The following SEC23IP variants were observed in gnomAD, a reference collection of about 807,000 sequenced individuals.
SEC23IP encodes SEC23-interacting protein.
SEC23IP carries 70 observed loss-of-function variants against 113.4 expected under a neutral mutation model. The ratio of observed to expected loss-of-function variants is 0.62; its 90% CI spans 0.51 to 0.75. The LOEUF (loss-of-function observed/expected upper bound fraction) is 0.75. Ranked by LOEUF, SEC23IP falls within the 30% of genes least tolerant of loss-of-function variation. The probability of loss-of-function intolerance (pLI) is 0.00; values close to 1 mark genes in which losing one functional copy is unlikely to be tolerated. For synonymous variants in SEC23IP, 398 were observed against 421.0 expected, an observed-to-expected ratio of 0.95 and a Z score of 0.67; for missense variants, 1,160 against 1,204.9, an observed-to-expected ratio of 0.96 and a Z score of 0.55.
At chr10:119,899,513 CAG>C (rs1854407309) in intron 2 of SEC23IP, among the ~76,000 whole-genome samples, 1 of 152,036 alleles carries the variant, frequency 6.6e-6, no homozygotes, top group Admixed American at 6.6e-5. Flanking sequence ...GAAAAATCAA[CAG>C]AATTAAACAA....
chr10:119,938,915 A>C (rs755056231), intron 18 of SEC23IP, among the ~76,000 whole-genome samples: 5 of 152,210 alleles, frequency 3.3e-5, no homozygotes, highest in Admixed American at 6.5e-5. Context: ...TAAAATGTTA[A>C]CAATTATTCT....
rs768426374 is a variant in SEC23IP, at chr10:119,892,860, C to T, written c.78C>T (p.Ser26=). 1 of 1,614,142 alleles carries T rather than the reference C, an allele frequency of 6.2e-7. No homozygotes were observed. Among genetic ancestry groups the T allele is most frequent in the Non-Finnish European group, 8.5e-7 (1 of 1,179,984 alleles). Residue 26 remains serine, a synonymous_variant, in exon 1 of 19, where the codon TCC becomes TCT. Coordinates refer to ENST00000369075, the MANE Select transcript of SEC23IP (RefSeq NM_007190.4). ...SSSGTNLLFS[S]SATEFSFNVP... ...CGGGCACTAACTTACTTTTCTCCTC[C>T]TCGGCCACGGAGTTCAGCTTCAATG...
intron 4 of SEC23IP, 97 bp downstream of exon 4, chr10:119,904,374 A>G (rs1203364429): frequency 9.7e-7 from 1 of 1,033,204 alleles, no homozygotes; most frequent in Non-Finnish European, 1.5e-6. Flanking sequence ...GACTTTACTT[A>G]CAAGACAGCT....
intron 2 of SEC23IP, among the ~76,000 whole-genome samples, chr10:119,901,384 A>G (rs17692764): frequency 0.11 from 16,422 of 151,886 alleles, 943 homozygotes; most frequent in South Asian, 0.17. Flanking sequence ...AGACATTTTT[A>G]ATGGCGCTGG....
intron 1 of SEC23IP, among the ~76,000 whole-genome samples, chr10:119,896,902 C>T (rs1195195696): frequency 6.6e-6 from 1 of 151,908 alleles, no homozygotes; most frequent in African/African-American, 2.4e-5. Context: ...TGGAATGATT[C>T]AAGTAGACAC....
chr10:119,895,893 A>G (rs547054637), intron 1 of SEC23IP, among the ~76,000 whole-genome samples: 4 of 152,280 alleles, frequency 2.6e-5, no homozygotes, highest in South Asian at 2.1e-4. Context: ...TCAGTGATCT[A>G]TGGGCCACAT....
chr10:119,909,067 T>TA lies in SEC23IP; in HGVS notation c.1130dup (p.Asn377LysfsTer34). The TA allele has an allele frequency of 1.2e-6, 2 of 1,612,878 alleles. No homozygotes were observed. ...CTGAATATAAAAAAGCTGTAACCAC[T>TA]AATCAGTGGCACCGAAGATTAGAGT... is the stretch of plus-strand genomic sequence containing the variant. On this transcript the variant is annotated frameshift_variant, in exon 5 of 19. Transcript: ENST00000369075. LOFTEE classifies it high-confidence loss of function.
Position 119,914,726 on chromosome 10 carries a change from A to G in SEC23IP, c.1313-4A>G, listed in dbSNP as rs780622423. ...TATGTAGGTTTAAAAATTTTTTTTG[A>G]TAGGGGAGATGCCTCAAGTTGACCA... On this transcript the variant is annotated splice_region_variant and splice_polypyrimidine_tract_variant and intron_variant, in intron 6 of 18. Coordinates refer to ENST00000369075, the MANE Select transcript of SEC23IP (RefSeq NM_007190.4). The G allele has an allele frequency of 6.2e-7, 1 of 1,610,922 alleles. No individual in the cohort carries two copies. The highest frequency in any genetic ancestry group is 1.7e-5 in the Admixed American group (1 of 59,478).
intron 2 of SEC23IP, among the ~76,000 whole-genome samples, chr10:119,899,261 G>T (rs1383850579): frequency 1.3e-5 from 2 of 152,184 alleles, no homozygotes; most frequent in African/African-American, 4.8e-5. Flanking sequence ...AGACATAGGA[G>T]AATTGAAGCG....
chr10:119,930,998 TTTTG>T (rs1178686708), intron 15 of SEC23IP, among the ~76,000 whole-genome samples: 11 of 152,314 alleles, frequency 7.2e-5, no homozygotes, highest in Middle Eastern at 3.4e-3. Context: ...AAAGTGTGTT[TTTTG>T]TTTGTTTTGC....
chr10:119,930,136 T>G (rs1444667142), intron 14 of SEC23IP, among the ~76,000 whole-genome samples, 193 bp from the exon 15 acceptor site: 1 of 152,246 alleles, frequency 6.6e-6, no homozygotes, highest in African/African-American at 2.4e-5. Flanking sequence ...ATAATTCTTT[T>G]GCTTTGCTTG....
intron 4 of SEC23IP, among the ~76,000 whole-genome samples, chr10:119,908,133 G>A (rs1187819871): frequency 6.6e-6 from 1 of 152,094 alleles, no homozygotes; most frequent in Non-Finnish European, 1.5e-5. Context: ...TCTTTGAGGG[G>A]TCTTGGATCC....
chr10:119,897,779 C>G (rs1854325385), intron 1 of SEC23IP, among the ~76,000 whole-genome samples: 1 of 151,990 alleles, frequency 6.6e-6, no homozygotes, highest in Non-Finnish European at 1.5e-5. Context: ...AGGCAGATCA[C>G]TTGAGGTCAG....
Position 119,920,968 on chromosome 10 carries a change from A to G in SEC23IP, c.2105A>G (p.His702Arg). 1.2e-6 allele frequency: 2 copies of G among 1,613,292 alleles called. No homozygotes were observed. The highest frequency in any genetic ancestry group is 2.7e-5 in the African/African-American group (2 of 75,068). Residue 702 changes from histidine to arginine, a missense_variant, in exon 12 of 19, where the codon CAT becomes CGT. By Grantham distance (29) the His-to-Arg change is conservative (BLOSUM62 0). Coordinates refer to ENST00000369075, the MANE Select transcript of SEC23IP (RefSeq NM_007190.4). The part of the protein sequence containing the change: ...PRKKIANFVE[H>R]KAAKLKKAAS... ...AAGAAGATAGCTAACTTTGTAGAACATAAAGCAGCCAAACTGGTAAAGTTC... is the reference window on the plus strand; with the variant it reads ...AAGAAGATAGCTAACTTTGTAGAACGTAAAGCAGCCAAACTGGTAAAGTTC...
intron 17 of SEC23IP, 45 bp downstream of exon 17, chr10:119,933,212 CT>C (rs1262307581): frequency 6.6e-7 from 1 of 1,524,526 alleles, no homozygotes. Context: ...GCTTTTGGTG[CT>C]AGCACGTGCA....
Position 119,933,159 on chromosome 10 carries a change from A to G in SEC23IP, c.2913A>G (p.Leu971=). Residue 971 remains leucine, a synonymous_variant, in exon 17 of 19, where the codon TTA becomes TTG. Transcript: ENST00000369075. ...NEYLFALQSH[L]CYWESEDTAL... Reference sequence around the variant, plus strand: ...ACCTTTTCGCTCTTCAGAGTCACTTATGCTATTGGTAAGTGTTCTTAAATT... The same window carrying G: ...ACCTTTTCGCTCTTCAGAGTCACTTGTGCTATTGGTAAGTGTTCTTAAATT... 6.2e-7 allele frequency: 1 copy of G among 1,613,762 alleles called. No homozygotes were observed. Among genetic ancestry groups the G allele is most frequent in the Non-Finnish European group, 8.5e-7 (1 of 1,179,812 alleles).
intron 15 of SEC23IP, among the ~76,000 whole-genome samples, chr10:119,930,780 T>C (rs1855570931): frequency 6.6e-6 from 1 of 152,216 alleles, no homozygotes; most frequent in South Asian, 2.1e-4. Context: ...AAACTTGATG[T>C]TGTCGAAGTG....
intron 5 of SEC23IP, among the ~76,000 whole-genome samples, chr10:119,909,952 A>T (rs994856879): frequency 1.3e-5 from 2 of 152,234 alleles, no homozygotes; most frequent in Non-Finnish European, 2.9e-5. Flanking sequence ...ACTGGAGTTT[A>T]GTATGCAATG....
intron 4 of SEC23IP, among the ~76,000 whole-genome samples, chr10:119,906,273 C>A (rs1854659789): frequency 1.7e-5 from 2 of 118,206 alleles, no homozygotes; most frequent in Admixed American, 9.8e-5. Flanking sequence ...CAGAGCAAGA[C>A]CTTGTCTCAG....
Sources: allele counts gnomAD v4.1 joint callset (sites outside exome capture counted in the v4.1 genomes callset), GRCh38; gene constraint gnomAD v4.1.1; transcripts MANE v1.5; gene names NCBI Gene and HGNC (gene_info 2026-07-23, HGNC 2026-07-21).